Variants in MRPS28 observed in about 807,000 individuals in gnomAD.
MRPS28 encodes the protein mitochondrial ribosomal protein S28, also known as small ribosomal subunit protein bS1m.
Under a neutral mutation model 10.8 loss-of-function variants are expected in MRPS28, and 7 were observed. The ratio of observed to expected loss-of-function variants is 0.65; its 90% CI spans 0.37 to 1.22. MRPS28 has a LOEUF of 1.22. MRPS28 is among the 50% of genes most tolerant of loss of function. The probability of loss-of-function intolerance (pLI) is 0.02; values close to 1 mark genes in which losing one functional copy is unlikely to be tolerated. For missense variants in MRPS28, 265 were observed against 232.9 expected (o/e 1.14, Z -0.90); for synonymous variants, 121 against 93.3 (o/e 1.30, Z -1.71).
intron 1 of MRPS28, among the ~76,000 whole-genome samples, chr8:80,021,090 C>T (rs1309055001): frequency 6.6e-6 from 1 of 151,634 alleles, no homozygotes; most frequent in Non-Finnish European, 1.5e-5. Context: ...GCAACCTCCG[C>T]CTCCCATGTT....
intron 2 of MRPS28, among the ~76,000 whole-genome samples, chr8:79,980,547 T>G (rs1048150330): frequency 1.3e-5 from 2 of 152,224 alleles, no homozygotes; most frequent in Admixed American, 6.5e-5. Context: ...TTGAAATGGC[T>G]CTCATTTCTT....
intron 2 of MRPS28, among the ~76,000 whole-genome samples, chr8:79,922,410 A>G (rs1280099672): frequency 6.6e-6 from 1 of 152,208 alleles, no homozygotes; most frequent in African/African-American, 2.4e-5. Context: ...TCTACTGTAC[A>G]TCATGATGAT....
chr8:80,022,040 C>T (rs1469763322), intron 1 of MRPS28, among the ~76,000 whole-genome samples: 4 of 152,172 alleles, frequency 2.6e-5, no homozygotes, highest in African/African-American at 9.7e-5. Context: ...CAGAACAAGT[C>T]CATTACCACA....
intron 2 of MRPS28, among the ~76,000 whole-genome samples, chr8:79,943,373 A>G (rs1324785309): frequency 6.6e-6 from 1 of 152,224 alleles, no homozygotes; most frequent in Non-Finnish European, 1.5e-5. Context: ...TTCATCACAA[A>G]ATATTGCATT....
In MRPS28 at chr8:79,984,637, A is replaced by G. The variant is rs575283660; in HGVS notation, c.395+18362T>C. ...AGGGGTTGCAATCCTAGTCTCTGAT[A>G]AAACAGACTTTAAACCAACAAAGAT... On this transcript the variant is annotated intron_variant, in intron 2 of 2. Transcript: ENST00000276585. Among the ~76,000 whole-genome samples the G allele has an allele frequency of 1.6e-4, 24 of 152,298 alleles. No individual in the cohort carries two copies. The East Asian group carries it at 4.4e-3, about 28-fold the overall frequency.
At position 79,932,353 on chromosome 8, in the gene MRPS28, C is replaced by T. The variant is rs950481798; in HGVS notation, c.396-13205G>A. Among the ~76,000 whole-genome samples the T allele has an allele frequency of 1.3e-5, 2 of 152,118 alleles. 1 individual carries two copies. The highest frequency in any genetic ancestry group is 4.2e-4 in the South Asian group (2 of 4,816). ...AAGGAAGGCATCTCTGAAGAGGGGA[C>T]ATTTAATGACAAGAAAAGGAGCCAG... is the stretch of plus-strand genomic sequence containing the variant. On this transcript the variant is annotated intron_variant, in intron 2 of 2. Transcript: ENST00000276585.
chr8:80,002,401 GA>G (rs1808683915), intron 2 of MRPS28, among the ~76,000 whole-genome samples: 2 of 151,690 alleles, frequency 1.3e-5, no homozygotes, highest in African/African-American at 2.4e-5. Context: ...AATTGATGGG[GA>G]AAAAAAATCA....
chr8:79,923,592 G>T (rs925911188), intron 2 of MRPS28, among the ~76,000 whole-genome samples: 1 of 151,980 alleles, frequency 6.6e-6, no homozygotes, highest in Non-Finnish European at 1.5e-5. Flanking sequence ...CAGAAATCTT[G>T]TATTTCCTAT....
At chr8:80,018,292 T>C (rs1469229099) in intron 1 of MRPS28, among the ~76,000 whole-genome samples, 1 of 43,766 alleles carries the variant, frequency 2.3e-5, no homozygotes, top group East Asian at 7.5e-4. Flanking sequence ...CAATACTCTG[T>C]CTCAAAAAAA....
chr8:79,935,002 G>A (rs1393410249), intron 2 of MRPS28, among the ~76,000 whole-genome samples: 1 of 152,172 alleles, frequency 6.6e-6, no homozygotes, highest in Non-Finnish European at 1.5e-5. Flanking sequence ...CCCAAGTATG[G>A]GACAGGCTCC....
chr8:79,973,838 A>AT (rs1168682854), intron 2 of MRPS28, among the ~76,000 whole-genome samples: 162 of 100,140 alleles, frequency 1.6e-3, no homozygotes, highest in African/African-American at 5.3e-3. Flanking sequence ...GAATAAATTA[A>AT]TAAAAAAAAA....
intron 2 of MRPS28, among the ~76,000 whole-genome samples, chr8:79,923,798 G>A (rs1337833285): frequency 6.6e-6 from 1 of 152,118 alleles, no homozygotes; most frequent in Non-Finnish European, 1.5e-5. Flanking sequence ...CTCTTCCACT[G>A]TGCACTTTCT....
At chr8:80,009,432 T>A (rs1045911684) in intron 1 of MRPS28, among the ~76,000 whole-genome samples, 3 of 150,856 alleles carry the variant, frequency 2.0e-5, no homozygotes, top group Admixed American at 6.6e-5. Flanking sequence ...TAATAAAAAA[T>A]AAATAAATAA....
At chr8:79,961,446 C>G (rs183471168) in intron 2 of MRPS28, among the ~76,000 whole-genome samples, 35 of 152,166 alleles carry the variant, frequency 2.3e-4, no homozygotes, top group Admixed American at 9.8e-4. Context: ...TTTCAGCTAC[C>G]CAAATGCCAA....
Position 80,030,050 on chromosome 8 carries a change from C to G in MRPS28, c.199G>C (p.Glu67Gln). The change falls in exon 1 of 3, where the codon GAG becomes CAG. Residue 67 changes from glutamate (E) to glutamine (Q), a missense_variant. By Grantham distance (29) the Glu-to-Gln change is conservative. Transcript: ENST00000276585. ...CCGGGCTCCACCTTCTGTAGGGGCT[C>G]CACCTTCTGTAGAAGCTCCGAGTGC... ...ERHSELLQKV[E>Q]PLQKGSPKNV... is the part of the protein sequence containing the mutation. 6.2e-7 allele frequency: 1 copy of G among 1,613,346 alleles called. No individual in the cohort carries two copies. The highest frequency in any genetic ancestry group is 1.3e-5 in the African/African-American group (1 of 75,026).
chr8:79,939,894 C>T (rs1393155983), intron 2 of MRPS28, among the ~76,000 whole-genome samples: 2 of 151,496 alleles, frequency 1.3e-5, no homozygotes, highest in African/African-American at 2.4e-5. Flanking sequence ...GGCGTGAACC[C>T]GGGAGGCGGA....
rs867025323 is a variant in MRPS28, at chr8:79,964,646, C to T, written c.395+38353G>A. ...TTCTCATCTGCAAAAATGAAATGCT[C>T]GCCCATTTCTTTATTTAAAAAAAAA... On this transcript the variant is annotated intron_variant, in intron 2 of 2. Coordinates refer to ENST00000276585, the MANE Select transcript of MRPS28 (RefSeq NM_014018.3). Among the ~76,000 whole-genome samples the T allele has an allele frequency of 7.9e-5, 12 of 152,044 alleles. No individual in the cohort carries two copies. In the South Asian group the frequency reaches 8.3e-4, roughly 11 times the overall value.
chr8:79,951,312 T>G (rs1230735033), intron 2 of MRPS28, among the ~76,000 whole-genome samples: 17 of 152,120 alleles, frequency 1.1e-4, no homozygotes. Flanking sequence ...CTGTAGAATC[T>G]CACTGCAAAG....
At chr8:79,929,373 C>A (rs985145011) in intron 2 of MRPS28, among the ~76,000 whole-genome samples, 1 of 152,102 alleles carries the variant, frequency 6.6e-6, no homozygotes, top group Admixed American at 6.6e-5. Context: ...CTGACCATAT[C>A]TAGACTACTG....
Sources: allele counts gnomAD v4.1 joint callset (sites outside exome capture counted in the v4.1 genomes callset), GRCh38; gene constraint gnomAD v4.1.1; transcripts MANE v1.5; gene names NCBI Gene and HGNC (gene_info 2026-07-23, HGNC 2026-07-21).